Variants in REDIC1 observed in about 807,000 individuals in gnomAD.
The protein encoded by REDIC1 is regulator of DNA class I crossover intermediates 1, also known as HEI10 Interacting Protein 1.
chr12:39,628,270 T>A, the REDIC1 span, among the ~76,000 whole-genome samples: 1 of 152,140 alleles, frequency 6.6e-6, no homozygotes, highest in Admixed American at 6.5e-5. Flanking sequence ...ATAGGCTTCT[T>A]AGGGTAAAGC....
chr12:39,832,830 C>T, the REDIC1 span, among the ~76,000 whole-genome samples: 1 of 152,040 alleles, frequency 6.6e-6, no homozygotes, highest in Non-Finnish European at 1.5e-5. Context: ...AAATCCTAGC[C>T]CTATATGAAT....
chr12:39,661,967 G>A, the REDIC1 span, among the ~76,000 whole-genome samples: 1 of 151,942 alleles, frequency 6.6e-6, no homozygotes, highest in Non-Finnish European at 1.5e-5. Flanking sequence ...TAAATATATG[G>A]GTTTATTTCT....
At chr12:39,889,690 G>A in the REDIC1 span, among the ~76,000 whole-genome samples, 1 of 151,558 alleles carries the variant, frequency 6.6e-6, no homozygotes, top group African/African-American at 2.4e-5. Context: ...CCACCACCAC[G>A]CCCGGCTAAT....
At chr12:39,850,194 GA>G in the REDIC1 span, among the ~76,000 whole-genome samples, 3 of 152,010 alleles carry the variant, frequency 2.0e-5, no homozygotes, top group African/African-American at 7.2e-5. Context: ...GTAGCTACTG[GA>G]ACCGAAAAGG....
the REDIC1 span, among the ~76,000 whole-genome samples, chr12:39,628,253 T>G: frequency 6.6e-6 from 1 of 152,146 alleles, no homozygotes; most frequent in Non-Finnish European, 1.5e-5. Context: ...AAATTTTATG[T>G]GGCGGGATAG....
chr12:39,874,118 A>C, the REDIC1 span, among the ~76,000 whole-genome samples: 1 of 152,184 alleles, frequency 6.6e-6, no homozygotes, highest in African/African-American at 2.4e-5. Context: ...CAGAGCAAAT[A>C]ATTTATTTGC....
the REDIC1 span, among the ~76,000 whole-genome samples, chr12:39,906,886 T>TA: frequency 2.6e-5 from 4 of 152,086 alleles, no homozygotes; most frequent in African/African-American, 4.8e-5. Context: ...GAAGATAAAG[T>TA]AAAAAAACTT....
chr12:39,751,040 A>C, the REDIC1 span, among the ~76,000 whole-genome samples: 1 of 152,184 alleles, frequency 6.6e-6, no homozygotes, highest in East Asian at 1.9e-4. Flanking sequence ...AGCAATGGCA[A>C]CAAAAGCCAA....
At chr12:39,759,851 GAAAAA>G in the REDIC1 span, 2 of 553,418 alleles carry the variant, frequency 3.6e-6, no homozygotes, top group Non-Finnish European at 3.2e-6. Context: ...GTTCCTTGTG[GAAAAA>G]AAAAGTCATC....
the REDIC1 span, among the ~76,000 whole-genome samples, chr12:39,763,110 T>C: frequency 6.6e-6 from 1 of 152,076 alleles, no homozygotes; most frequent in Non-Finnish European, 1.5e-5. Context: ...GAAATATTTA[T>C]TGTGCTCGTA....
At chr12:39,701,783 T>A in the REDIC1 span, among the ~76,000 whole-genome samples, 2 of 151,888 alleles carry the variant, frequency 1.3e-5, no homozygotes, top group East Asian at 3.9e-4. Context: ...GGATTAAGAA[T>A]CTCACTCAAA....
chr12:39,727,160 T>C, the REDIC1 span, among the ~76,000 whole-genome samples: 5 of 152,228 alleles, frequency 3.3e-5, no homozygotes, highest in Non-Finnish European at 7.3e-5. Context: ...TTTAATTAGA[T>C]CCCATTTGTC....
the REDIC1 span, chr12:39,758,363 G>A: frequency 5.3e-5 from 8 of 151,780 alleles, no homozygotes; most frequent in African/African-American, 9.7e-5. Context: ...GACATTAAAA[G>A]AATAGAGTAT....
At chr12:39,699,268 C>G in the REDIC1 span, among the ~76,000 whole-genome samples, 2 of 152,132 alleles carry the variant, frequency 1.3e-5, no homozygotes, top group Non-Finnish European at 2.9e-5. Context: ...CGAAGCTGGG[C>G]GAGGCATTGC....
the REDIC1 span, among the ~76,000 whole-genome samples, chr12:39,642,367 G>GCT: frequency 6.6e-6 from 1 of 151,510 alleles, no homozygotes; most frequent in South Asian, 2.1e-4. Context: ...TCTTTGGATA[G>GCT]CTCTGACTCA....
At chr12:39,747,026 C>G in the REDIC1 span, among the ~76,000 whole-genome samples, 1 of 152,190 alleles carries the variant, frequency 6.6e-6, no homozygotes, top group Non-Finnish European at 1.5e-5. Context: ...CACCTCTCCC[C>G]CTCCAAAGGA....
chr12:39,867,349 A>C, the REDIC1 span, among the ~76,000 whole-genome samples: 20 of 152,204 alleles, frequency 1.3e-4, no homozygotes, highest in African/African-American at 4.6e-4. Context: ...CCTAGCACAT[A>C]TCCAGTAAGG....
the REDIC1 span, among the ~76,000 whole-genome samples, chr12:39,790,465 C>T: frequency 3.4e-5 from 5 of 148,774 alleles, no homozygotes; most frequent in Non-Finnish European, 7.4e-5. Flanking sequence ...TGAGAATATG[C>T]GGTGTTTGGT....
chr12:39,851,794 T>C, the REDIC1 span, among the ~76,000 whole-genome samples: 4 of 152,340 alleles, frequency 2.6e-5, no homozygotes, highest in East Asian at 3.9e-4. Flanking sequence ...TAAGTACTCC[T>C]ACATGGTTTA....
Sources: gnomAD v4.1 joint callset for allele counts (sites outside exome capture counted in the v4.1 genomes callset) on GRCh38, gnomAD v4.1.1 for gene constraint, MANE v1.5 for transcripts, NCBI Gene and HGNC (gene_info 2026-07-23, HGNC 2026-07-21) for gene names.